The following GSE1 variants were observed in gnomAD, a reference collection of about 807,000 sequenced individuals.
GSE1 encodes the protein Gse1 coiled-coil protein.
In GSE1, 32 loss-of-function variants were observed where a neutral mutation model predicts 112.6. The observed-to-expected ratio is 0.28, with a 90% confidence interval of 0.21 to 0.38. The LOEUF (loss-of-function observed/expected upper bound fraction) is 0.38. Ranked by LOEUF, GSE1 falls within the 10% of genes least tolerant of loss-of-function variation. The pLI is 1.00. For missense variants in GSE1, 2,348 were observed against 1,699.2 expected, an observed-to-expected ratio of 1.38 and a Z score of -6.71; for synonymous variants, 1,115 against 735.6, an observed-to-expected ratio of 1.52 and a Z score of -8.35.
intron 1 of GSE1, among the ~76,000 whole-genome samples, chr16:85,293,302 C>T (rs1209289849): frequency 1.3e-5 from 2 of 152,088 alleles, no homozygotes; most frequent in Non-Finnish European, 2.9e-5. Flanking sequence ...TCCCAGCCCT[C>T]TGGGAGGCCG....
chr16:85,422,242 C>T (rs1000318453), intron 2 of GSE1, among the ~76,000 whole-genome samples: 9 of 152,304 alleles, frequency 5.9e-5, no homozygotes, highest in East Asian at 1.9e-4. Flanking sequence ...GACACAATCC[C>T]GTTGACATTA....
At chr16:85,500,253 G>T (rs1381272544) in intron 2 of GSE1, among the ~76,000 whole-genome samples, 1 of 152,204 alleles carries the variant, frequency 6.6e-6, no homozygotes, top group Non-Finnish European at 1.5e-5. Context: ...AAACAAATGG[G>T]AACGTGTTTT....
chr16:85,542,702 G>A (rs1209091639), intron 2 of GSE1, among the ~76,000 whole-genome samples: 1 of 152,212 alleles, frequency 6.6e-6, no homozygotes, highest in African/African-American at 2.4e-5. Context: ...GAGACTGATG[G>A]TCGTGAAGCC....
intron 2 of GSE1, among the ~76,000 whole-genome samples, chr16:85,402,562 G>A (rs999581103): frequency 1.3e-5 from 2 of 152,178 alleles, no homozygotes; most frequent in African/African-American, 4.8e-5. Context: ...ATCACAGGGC[G>A]GCACTTTGAA....
In GSE1 at chr16:85,648,724, T is replaced by C. The variant is rs911305616; in HGVS notation, c.399T>C (p.Asn133=). The change falls in exon 3 of 16, where the codon AAT becomes AAC. Residue 133 remains asparagine, a synonymous_variant. Transcript: ENST00000253458. ...CCATCGCTCCAACCAAAACCGTGAA[T>C]GGTGTCTGGAGGAGTGAGAGCCGGC... ...VVTIAPTKTV[N]GVWRSESRQD... is the part of the protein sequence containing the mutation. 3.7e-6 allele frequency: 6 copies of C among 1,604,008 alleles called. No homozygotes were observed. Among genetic ancestry groups the C allele is most frequent in the Non-Finnish European group, 5.1e-6 (6 of 1,176,042 alleles).
chr16:85,306,346 G>A (rs1671103263), intron 1 of GSE1: 1 of 154,246 alleles, frequency 6.5e-6, no homozygotes, highest in African/African-American at 2.4e-5. Flanking sequence ...GTGAGTGCAG[G>A]AGGCCACGGT....
rs538072599 is a variant in GSE1, at chr16:85,506,731, A to G, written c.2465-127183A>G. Among the ~76,000 whole-genome samples, 281 of 150,130 alleles carry G rather than the reference A, an allele frequency of 1.9e-3. 1 individual carries two copies. The highest frequency in any genetic ancestry group is 3.5e-3 in the Non-Finnish European group (236 of 67,794). On this transcript the variant is annotated intron_variant, in intron 2 of 2. Coordinates refer to the GSE1 transcript ENST00000637419. The stretch of plus-strand genomic sequence containing the variant: ...TGCTAACGTCGATTAGCCCTGTGCC[A>G]GCCACTGTCATTCATTCATTCATTC...
chr16:85,408,001 C>T (rs1425485531), intron 2 of GSE1, among the ~76,000 whole-genome samples: 1 of 57,332 alleles, frequency 1.7e-5, no homozygotes, highest in South Asian at 8.2e-4. Flanking sequence ...ACTCAGGGCC[C>T]CCTGGATAAT....
At chr16:85,199,323 C>T (rs1008573644) in intron 1 of GSE1, among the ~76,000 whole-genome samples, 1 of 152,044 alleles carries the variant, frequency 6.6e-6, no homozygotes. Context: ...TGGACTCAAG[C>T]AATCCTCCCG....
At chr16:85,511,297 C>T (rs1280651198) in intron 2 of GSE1, among the ~76,000 whole-genome samples, 1 of 152,192 alleles carries the variant, frequency 6.6e-6, no homozygotes, top group Non-Finnish European at 1.5e-5. Flanking sequence ...GAGGCCAAGG[C>T]GGGTGGATCA....
At chr16:85,665,345 T>C (rs2052756652) in intron 12 of GSE1, among the ~76,000 whole-genome samples, 1 of 152,246 alleles carries the variant, frequency 6.6e-6, no homozygotes, top group Admixed American at 6.5e-5. Flanking sequence ...GGGGAGGGTC[T>C]GGCTTCTGTG....
At chr16:85,232,780 C>T (rs1214643648) in intron 1 of GSE1, among the ~76,000 whole-genome samples, 1 of 152,292 alleles carries the variant, frequency 6.6e-6, no homozygotes, top group Non-Finnish European at 1.5e-5. Flanking sequence ...GGAGGCCTCG[C>T]TGACCACCCC....
chr16:85,482,196 G>A (rs564074394), intron 2 of GSE1, among the ~76,000 whole-genome samples: 150 of 151,828 alleles, frequency 9.9e-4, no homozygotes, highest in African/African-American at 3.4e-3. Context: ...GAGAAGAGCC[G>A]TGGGTGATGG....
At chr16:85,285,793 C>A (rs12447206) in intron 1 of GSE1, 120,674 of 152,302 alleles carry the variant, frequency 0.79, 49,052 homozygotes, top group South Asian at 0.93. Flanking sequence ...TCTGTGATCC[C>A]TGTCCACAGT....
chr16:85,208,338 C>G (rs556062976), intron 1 of GSE1, among the ~76,000 whole-genome samples: 4 of 152,186 alleles, frequency 2.6e-5, no homozygotes, highest in African/African-American at 7.2e-5. Context: ...CTGCGGAGTT[C>G]TCAGCCATCG....
chr16:85,239,445 G>A (rs1349893186), intron 1 of GSE1, among the ~76,000 whole-genome samples: 5 of 152,200 alleles, frequency 3.3e-5, no homozygotes, highest in Non-Finnish European at 5.9e-5. Flanking sequence ...GAGGAGGACC[G>A]TCTGCTTCAA....
intron 14 of GSE1, among the ~76,000 whole-genome samples, chr16:85,669,323 C>G (rs1025057029): frequency 6.6e-6 from 1 of 152,164 alleles, no homozygotes; most frequent in South Asian, 2.1e-4. Flanking sequence ...TCACATATGA[C>G]AGTGTTGTAA....
At chr16:85,457,796 C>A (rs1017334739) in intron 2 of GSE1, among the ~76,000 whole-genome samples, 2 of 152,224 alleles carry the variant, frequency 1.3e-5, no homozygotes, top group Admixed American at 1.3e-4. Context: ...GAGAATATAA[C>A]CAAGGCTTGG....
intron 2 of GSE1, among the ~76,000 whole-genome samples, chr16:85,434,239 G>A (rs946278347): frequency 1.6e-4 from 25 of 151,922 alleles, no homozygotes; most frequent in Admixed American, 1.2e-3. Flanking sequence ...CCCAAGGAAC[G>A]CCTTACAGCC....
Sources: gnomAD v4.1 joint callset for allele counts (sites outside exome capture counted in the v4.1 genomes callset) on GRCh38, gnomAD v4.1.1 for gene constraint, MANE v1.5 for transcripts, NCBI Gene and HGNC (gene_info 2026-07-23, HGNC 2026-07-21) for gene names.